PACRG: variants seen among roughly 807,000 people sequenced by gnomAD.
PACRG encodes parkin coregulated.
In PACRG, 29 loss-of-function variants were observed where a neutral mutation model predicts 29.7. The ratio of observed to expected loss-of-function variants is 0.98; its 90% CI spans 0.73 to 1.33. The LOEUF is 1.33. Ranked by LOEUF, PACRG falls within the 40% of genes most tolerant of loss-of-function variation. The pLI is 0.00. For synonymous variants in PACRG, 116 were observed against 118.7 expected, an observed-to-expected ratio of 0.98 and a Z score of 0.15; for missense variants, 279 against 316.2, an observed-to-expected ratio of 0.88 and a Z score of 0.89.
chr6:163,243,123 G>A (rs1782563665), intron 4 of PACRG, among the ~76,000 whole-genome samples: 2 of 152,214 alleles, frequency 1.3e-5, no homozygotes, highest in Non-Finnish European at 2.9e-5. Flanking sequence ...AGCAAGGCGT[G>A]GTCCAGGAGT....
At chr6:163,177,763 C>G (rs1236784771) in intron 4 of PACRG, among the ~76,000 whole-genome samples, 1 of 79,418 alleles carries the variant, frequency 1.3e-5, no homozygotes, top group Non-Finnish European at 2.2e-5. Context: ...CCGTGTTTTT[C>G]TGCAAGGAGA....
At chr6:162,914,412 G>A (rs1483011453) in intron 2 of PACRG, among the ~76,000 whole-genome samples, 1 of 151,274 alleles carries the variant, frequency 6.6e-6, no homozygotes, top group African/African-American at 2.4e-5. Context: ...AGTCTGAGCT[G>A]TACTTCTTTA....
chr6:163,088,168 T>C lies in PACRG; in HGVS notation c.464-1091T>C, dbSNP rs115622857. Among the ~76,000 whole-genome samples, 590 of 152,328 alleles carry C rather than the reference T, an allele frequency of 3.9e-3. 4 individuals are homozygous for C. Among genetic ancestry groups the C allele is most frequent in the African/African-American group, 0.013 (546 of 41,576 alleles). ...GTTCAAGAACAGTGTCAGGACTGCC[T>C]CAGAGATGTATTGACCAAAGCATCA... On this transcript the variant is annotated intron_variant, in intron 3 of 4. Transcript: ENST00000366888.
At chr6:163,147,270 C>G (rs2128336796) in intron 4 of PACRG, among the ~76,000 whole-genome samples, 1 of 152,286 alleles carries the variant, frequency 6.6e-6, no homozygotes, top group South Asian at 2.1e-4. Flanking sequence ...ATGGATGCAT[C>G]ATTGAACACA....
chr6:163,286,038 T>G (rs1431397158), intron 4 of PACRG, among the ~76,000 whole-genome samples: 1 of 152,240 alleles, frequency 6.6e-6, no homozygotes, highest in Non-Finnish European at 1.5e-5. Context: ...TATAAAAGTA[T>G]GCATATTTTG....
chr6:163,055,811 A>G lies in PACRG; in HGVS notation c.292-6339A>G, dbSNP rs1810536933. Among the ~76,000 whole-genome samples, 1 of 152,084 alleles carries G rather than the reference A, an allele frequency of 6.6e-6. No individual in the cohort carries two copies. The highest frequency in any genetic ancestry group is 6.5e-5 in the Admixed American group (1 of 15,274). On this transcript the variant is annotated intron_variant, in intron 2 of 4. Transcript: ENST00000366888. The surrounding 1 kb of genome is among the most constrained non-coding windows in gnomAD (Gnocchi z 4.0). ...TTCCAGAACTTTTTCATCACCCCAC[A>G]TGGAAACCCCATGCCCAATAAGCAG...
intron 2 of PACRG, among the ~76,000 whole-genome samples, chr6:162,970,423 C>A (rs780826822): frequency 3.0e-4 from 46 of 152,126 alleles, no homozygotes; most frequent in Admixed American, 4.6e-4. Context: ...GTGCCGGGGA[C>A]CACCTGGTCC....
At position 163,193,891 on chromosome 6, in the gene PACRG, T is replaced by C. The variant is rs1413563903; in HGVS notation, c.613+104483T>C. 9.4e-4 allele frequency among the ~76,000 whole-genome samples: 66 copies of C among 69,982 alleles called. 1 individual carries two copies. Among genetic ancestry groups the C allele is most frequent in the Non-Finnish European group, 2.0e-3 (55 of 26,970 alleles). The allele number at this position is 69,982 out of a possible 152,430, so 45.9% of individuals were successfully genotyped here. ...CTAGGAAACTGTTTCTTTTTGTTTC[T>C]TTTTTTTTTTTTTTTTCCTGAGATG... is the stretch of plus-strand genomic sequence containing the variant. On this transcript the variant is annotated intron_variant, in intron 4 of 4. Transcript: ENST00000366888.
chr6:162,765,919 T>C (rs1303446425), intron 1 of PACRG, among the ~76,000 whole-genome samples: 1 of 152,182 alleles, frequency 6.6e-6, no homozygotes, highest in Admixed American at 6.5e-5. Flanking sequence ...TTTTCTTTTT[T>C]AAGAAGTTTT....
chr6:162,999,733 T>C (rs573100997), intron 2 of PACRG, among the ~76,000 whole-genome samples: 8 of 152,240 alleles, frequency 5.3e-5, no homozygotes, highest in Non-Finnish European at 1.2e-4. Flanking sequence ...TAATCCACTA[T>C]ACATGACTCA....
intron 2 of PACRG, among the ~76,000 whole-genome samples, chr6:162,866,778 A>G (rs1408745119): frequency 6.6e-6 from 1 of 152,222 alleles, no homozygotes; most frequent in East Asian, 1.9e-4. Flanking sequence ...GAATTCTATC[A>G]GAGTAATCAT....
chr6:163,015,349 A>G (rs969583472), intron 2 of PACRG, among the ~76,000 whole-genome samples: 1 of 152,100 alleles, frequency 6.6e-6, no homozygotes, highest in Non-Finnish European at 1.5e-5. Flanking sequence ...CTGGTTCTAT[A>G]TGAATTTTAG....
intron 4 of PACRG, among the ~76,000 whole-genome samples, chr6:163,120,160 A>G (rs1816200313): frequency 6.6e-6 from 1 of 152,140 alleles, no homozygotes; most frequent in South Asian, 2.1e-4. Context: ...AATTATATGA[A>G]ATAAGATAAG....
At chr6:162,739,449 C>G (rs898306126) in intron 1 of PACRG, among the ~76,000 whole-genome samples, 1 of 152,068 alleles carries the variant, frequency 6.6e-6, no homozygotes, top group African/African-American at 2.4e-5. Context: ...AGCGACTTGT[C>G]TTTATACTTA....
chr6:163,251,049 G>T (rs1159431482), intron 4 of PACRG, among the ~76,000 whole-genome samples: 1 of 151,926 alleles, frequency 6.6e-6, no homozygotes, highest in African/African-American at 2.4e-5. Flanking sequence ...TGATACATGG[G>T]AGCTAAGCTA....
At chr6:163,002,938 A>C (rs895712229) in intron 2 of PACRG, among the ~76,000 whole-genome samples, 2 of 152,130 alleles carry the variant, frequency 1.3e-5, no homozygotes, top group Non-Finnish European at 2.9e-5. Context: ...TGAGACTCTC[A>C]AATATTGAGA....
rs144431310 is a variant in PACRG, at chr6:163,212,568, C to T, written c.614-102259C>T. 1.1e-3 allele frequency among the ~76,000 whole-genome samples: 173 copies of T among 152,272 alleles called. 2 individuals are homozygous for T. Among genetic ancestry groups the T allele is most frequent in the African/African-American group, 3.8e-3 (159 of 41,540 alleles). The stretch of plus-strand genomic sequence containing the variant: ...CAAAAGGGTTGCCCAATTGCCAAGT[C>T]AGGGACCCTTTGACCTTCAAAATAA... On this transcript the variant is annotated intron_variant, in intron 4 of 4. Coordinates refer to ENST00000366888, the MANE Select transcript of PACRG (RefSeq NM_001080379.2).
At chr6:163,197,008 A>G (rs1177093824) in intron 4 of PACRG, among the ~76,000 whole-genome samples, 2 of 152,200 alleles carry the variant, frequency 1.3e-5, no homozygotes, top group African/African-American at 4.8e-5. Context: ...CAAATGATAG[A>G]AAATATAAAT....
chr6:163,034,897 G>A (rs1156644951), intron 2 of PACRG, among the ~76,000 whole-genome samples: 7 of 152,178 alleles, frequency 4.6e-5, no homozygotes, highest in South Asian at 2.1e-4. Flanking sequence ...ATAAAGAATC[G>A]CTACTCCATT....
Sources: allele counts gnomAD v4.1 joint callset (sites outside exome capture counted in the v4.1 genomes callset), GRCh38; gene constraint gnomAD v4.1.1; non-coding constraint Gnocchi (gnomAD v3.1); transcripts MANE v1.5; gene names NCBI Gene and HGNC (gene_info 2026-07-23, HGNC 2026-07-21).